The following RSBN1L variants were observed in gnomAD, a reference collection of about 807,000 sequenced individuals.
RSBN1L encodes round spermatid basic protein 1 like, also known as lysine-specific demethylase RSBN1L.
A neutral mutation model predicts 67.7 loss-of-function variants in RSBN1L; 30 were observed. The ratio of observed to expected loss-of-function variants is 0.44; its 90% CI spans 0.33 to 0.60. The LOEUF is 0.60. Among genes scored for constraint, RSBN1L ranks in the 20% least tolerant of loss-of-function variants. The pLI is 0.02. For synonymous variants in RSBN1L, 433 were observed against 387.0 expected (o/e 1.12, Z -1.39); for missense variants, 992 against 1,031.7 (o/e 0.96, Z 0.53).
Position 77,768,950 on chromosome 7 carries a change from A to G in RSBN1L, c.1625+147A>G, listed in dbSNP as rs1443904914. On this transcript the variant is annotated intron_variant, in intron 5 of 7. Coordinates refer to ENST00000334955, the MANE Select transcript of RSBN1L (RefSeq NM_198467.3). ...AAAAATAGCGATACATGCTAATACA[A>G]TTTGTTATAAAACCTAAAATGTAAA... The G allele has an allele frequency of 1.1e-5, 7 of 639,606 alleles. No individual in the cohort carries two copies. The Middle Eastern group carries it at 1.2e-3, about 108-fold the overall frequency. 39.6% of individuals were successfully genotyped at this position (639,606 alleles called of 1,614,324 possible).
At chr7:77,730,630 G>A (rs141835964) in intron 1 of RSBN1L, among the ~76,000 whole-genome samples, 26 of 152,206 alleles carry the variant, frequency 1.7e-4, no homozygotes, top group Non-Finnish European at 3.4e-4. Context: ...TTTCCACAGC[G>A]TCATATGGTT....
intron 2 of RSBN1L, among the ~76,000 whole-genome samples, chr7:77,741,084 T>G (rs1791404072): frequency 6.6e-6 from 1 of 150,958 alleles, no homozygotes; most frequent in Non-Finnish European, 1.5e-5. Flanking sequence ...TTTCCCGGGT[T>G]CAAGCGATTC....
chr7:77,739,812 C>T (rs1302507535), intron 2 of RSBN1L, among the ~76,000 whole-genome samples: 2 of 110,200 alleles, frequency 1.8e-5, no homozygotes, highest in South Asian at 3.6e-4. Context: ...TGCAGTGGCG[C>T]GATCTCGGCT....
At chr7:77,699,277 CAAGG>C (rs1339087879) in intron 1 of RSBN1L, among the ~76,000 whole-genome samples, 3 of 152,226 alleles carry the variant, frequency 2.0e-5, no homozygotes, top group Non-Finnish European at 4.4e-5. Context: ...GACACCTAAA[CAAGG>C]AAGAGATTCT....
intron 1 of RSBN1L, among the ~76,000 whole-genome samples, chr7:77,723,251 C>A (rs1791146884): frequency 6.6e-6 from 1 of 151,966 alleles, no homozygotes; most frequent in Non-Finnish European, 1.5e-5. Context: ...CAGGTGTGAG[C>A]CACTGCGCCC....
intron 1 of RSBN1L, among the ~76,000 whole-genome samples, chr7:77,733,175 A>G (rs1400817572): frequency 6.6e-6 from 1 of 152,192 alleles, no homozygotes; most frequent in Non-Finnish European, 1.5e-5. Context: ...GAAAAAGGAT[A>G]GGCTCTACCA....
At chr7:77,759,653 A>T (rs1490884208) in intron 3 of RSBN1L, 1 of 152,134 alleles carries the variant, frequency 6.6e-6, no homozygotes, top group Non-Finnish European at 1.5e-5. Context: ...TCTAATAATG[A>T]TCCTGTTTTT....
intron 1 of RSBN1L, among the ~76,000 whole-genome samples, chr7:77,727,276 G>T (rs62460710): frequency 6.6e-6 from 1 of 151,704 alleles, no homozygotes; most frequent in Admixed American, 6.6e-5. Context: ...TAGTACAGAC[G>T]GGGTTTCTCC....
chr7:77,754,376 C>T (rs1048934661), intron 3 of RSBN1L, among the ~76,000 whole-genome samples: 3 of 152,152 alleles, frequency 2.0e-5, no homozygotes, highest in African/African-American at 7.2e-5. Flanking sequence ...AGGGTAGAAT[C>T]GATGCCTTTA....
intron 1 of RSBN1L, among the ~76,000 whole-genome samples, chr7:77,731,946 G>C (rs1431409350): frequency 6.6e-6 from 1 of 151,692 alleles, no homozygotes; most frequent in East Asian, 1.9e-4. Flanking sequence ...AAGTGGATCT[G>C]TTTCTGGACT....
rs1791952401 is a variant in RSBN1L at position 77,778,770 on chromosome 7, ACAT to A, written c.2148_2150del (p.Ser717del). The A allele has an allele frequency of 1.2e-6, 2 of 1,614,160 alleles. No individual in the cohort carries two copies. The highest frequency in any genetic ancestry group is 1.7e-6 in the Non-Finnish European group (2 of 1,180,020). ...TGAAACAGGCACATCATCAGATTCC[ACAT>A]CATCTGTTCTTGGACCTCACACTGA... On this transcript the variant is annotated inframe_deletion, in exon 8 of 8. Transcript: ENST00000334955.
intron 3 of RSBN1L, among the ~76,000 whole-genome samples, chr7:77,761,484 G>A (rs993383436): frequency 5.3e-5 from 8 of 152,190 alleles, no homozygotes; most frequent in Non-Finnish European, 1.2e-4. Context: ...GTGATTTTTA[G>A]AGAAATGAGG....
At chr7:77,723,211 G>A (rs1341416354) in intron 1 of RSBN1L, among the ~76,000 whole-genome samples, 1 of 151,846 alleles carries the variant, frequency 6.6e-6, no homozygotes, top group East Asian at 1.9e-4. Flanking sequence ...AGTGATCCAC[G>A]TGCCTTGGCC....
At chr7:77,704,309 A>T (rs934704436) in intron 1 of RSBN1L, among the ~76,000 whole-genome samples, 2 of 152,248 alleles carry the variant, frequency 1.3e-5, no homozygotes, top group African/African-American at 2.4e-5. Flanking sequence ...AATGAATTAA[A>T]CTTTTCAAGT....
chr7:77,734,365 G>A (rs1791305841), intron 1 of RSBN1L, among the ~76,000 whole-genome samples: 1 of 152,098 alleles, frequency 6.6e-6, no homozygotes, highest in Non-Finnish European at 1.5e-5. Context: ...AAGAAATGTG[G>A]AGACGTTTTA....
chr7:77,702,159 G>C (rs1248101904), intron 1 of RSBN1L, among the ~76,000 whole-genome samples: 1 of 150,372 alleles, frequency 6.7e-6, no homozygotes, highest in Admixed American at 6.6e-5. Flanking sequence ...GTAGAGATAG[G>C]GTTTCACTGT....
chr7:77,723,500 C>G (rs188889461), intron 1 of RSBN1L, among the ~76,000 whole-genome samples: 1 of 152,106 alleles, frequency 6.6e-6, no homozygotes, highest in Admixed American at 6.5e-5. Context: ...GATAGGGTCT[C>G]ACTCTTTGCC....
intron 1 of RSBN1L, among the ~76,000 whole-genome samples, chr7:77,727,325 G>A (rs1791217514): frequency 6.6e-6 from 1 of 152,122 alleles, no homozygotes; most frequent in Admixed American, 6.5e-5. Flanking sequence ...GACCTCCAGT[G>A]ATCTGTCTGT....
intron 5 of RSBN1L, among the ~76,000 whole-genome samples, chr7:77,772,607 T>C (rs747291365): frequency 1.4e-4 from 22 of 152,208 alleles, no homozygotes; most frequent in Non-Finnish European, 2.9e-4. Context: ...AAGCACTTAC[T>C]GCTGGGTGTT....
Sources: allele counts gnomAD v4.1 joint callset (sites outside exome capture counted in the v4.1 genomes callset), GRCh38; gene constraint gnomAD v4.1.1; transcripts MANE v1.5; gene names NCBI Gene and HGNC (gene_info 2026-07-23, HGNC 2026-07-21).